The following GALNT3 variants were observed in gnomAD, a reference collection of about 807,000 sequenced individuals.
GALNT3 encodes polypeptide N-acetylgalactosaminyltransferase 3.
GALNT3 carries 51 observed loss-of-function variants against 69.8 expected under a neutral mutation model. The observed-to-expected ratio is 0.73, with a 90% CI of 0.58 to 0.92. GALNT3 has a LOEUF of 0.92. Among genes scored for constraint, GALNT3 ranks in the 40% least tolerant of loss-of-function variants. The pLI, the probability that GALNT3 is intolerant of heterozygous loss-of-function variation, is 0.00. For synonymous variants in GALNT3, 265 were observed against 248.5 expected (o/e 1.07, Z -0.63); for missense variants, 711 against 760.0 (o/e 0.94, Z 0.76).
At chr2:165,757,827 G>T (rs1225515279) in intron 6 of GALNT3, among the ~76,000 whole-genome samples, 4 of 152,034 alleles carry the variant, frequency 2.6e-5, no homozygotes, top group Non-Finnish European at 5.9e-5. Context: ...ATCCTTATTG[G>T]CATTAATGCT....
At chr2:165,778,338 C>T (rs967279612) in intron 1 of GALNT3, among the ~76,000 whole-genome samples, 2 of 152,174 alleles carry the variant, frequency 1.3e-5, no homozygotes, top group African/African-American at 4.8e-5. Context: ...GGTAGAGGCA[C>T]TGCATTTTAA....
chr2:165,748,547 C>T lies in GALNT3; in HGVS notation c.*234G>A. Reference sequence around the variant, plus strand: ...TTTCATCATACTGTAAACATCTCTTCCCCTACATCTGGACATTTTGAAATA... The same window carrying T: ...TTTCATCATACTGTAAACATCTCTTTCCCTACATCTGGACATTTTGAAATA... On this transcript the variant is annotated 3_prime_UTR_variant, in exon 11 of 11. Coordinates refer to ENST00000392701, the MANE Select transcript of GALNT3 (RefSeq NM_004482.4). The T allele has an allele frequency of 1.9e-6, 1 of 518,522 alleles. No homozygotes were observed. The highest frequency in any genetic ancestry group is 3.5e-6 in the Non-Finnish European group (1 of 288,290). 32.1% of individuals were successfully genotyped at this position (518,522 alleles called of 1,614,324 possible). A position where few individuals can be genotyped will look rare whatever the true frequency, so the allele number is the denominator to read the frequency against.
rs1688286607 is a variant in GALNT3 at position 165,747,841 on chromosome 2, A to G, written c.*940T>C. ...GAGGATTTTTTATTGTGTTTTCCAC[A>G]TAGATAAAAAAATAAGGCTTTTTGA... is the stretch of plus-strand genomic sequence containing the variant. On this transcript the variant is annotated 3_prime_UTR_variant, in exon 11 of 11. Coordinates refer to ENST00000392701, the MANE Select transcript of GALNT3 (RefSeq NM_004482.4). 5.9e-6 allele frequency: 1 copy of G among 170,510 alleles called. No homozygotes were observed. The highest frequency in any genetic ancestry group is 1.3e-5 in the Non-Finnish European group (1 of 78,362). The allele number at this position is 170,510 out of a possible 1,614,324, so 10.6% of individuals were successfully genotyped here.
chr2:165,780,643 T>A (rs1165249051), intron 1 of GALNT3, among the ~76,000 whole-genome samples: 4 of 102,822 alleles, frequency 3.9e-5, no homozygotes, highest in African/African-American at 1.1e-4. Context: ...TTTGAGGGGT[T>A]TTTTTGTTGT....
chr2:165,761,194 T>A (rs549550763), intron 4 of GALNT3, among the ~76,000 whole-genome samples: 1 of 152,128 alleles, frequency 6.6e-6, no homozygotes, highest in Non-Finnish European at 1.5e-5. Flanking sequence ...TAGGGTGGAT[T>A]ATATTCACTC....
intron 2 of GALNT3, among the ~76,000 whole-genome samples, chr2:165,765,489 C>T (rs1688621562): frequency 7.1e-6 from 1 of 141,714 alleles, no homozygotes; most frequent in South Asian, 2.3e-4. Context: ...AATTGTACCA[C>T]TTTATTAATT....
intron 2 of GALNT3, among the ~76,000 whole-genome samples, chr2:165,766,732 A>G (rs1324882863): frequency 1.5e-5 from 1 of 68,672 alleles, no homozygotes; most frequent in Non-Finnish European, 4.5e-5. Flanking sequence ...CTCCAGTGTG[A>G]TATTAGGGGC....
chr2:165,762,070 A>T lies in GALNT3; in HGVS notation c.689-16T>A. 1 of 1,498,748 alleles carries T rather than the reference A, an allele frequency of 6.7e-7. No individual in the cohort carries two copies. The highest frequency in any genetic ancestry group is 9.3e-7 in the Non-Finnish European group (1 of 1,077,156). 92.8% of individuals were successfully genotyped at this position (1,498,748 alleles called of 1,614,324 possible). A position where few individuals can be genotyped will look rare whatever the true frequency, so the allele number is the denominator to read the frequency against. On this transcript the variant is annotated splice_polypyrimidine_tract_variant and intron_variant, in intron 3 of 10. Transcript: ENST00000392701. ...TGTAAGTACTCTGTAAGGAAAAAAA[A>T]TCAGGGTTAATTCTTTCTAAATGCA...
At chr2:165,772,584 C>CA (rs375725339) in intron 1 of GALNT3, among the ~76,000 whole-genome samples, 41,648 of 66,828 alleles carry the variant, frequency 0.62, 14,306 homozygotes, top group Non-Finnish European at 0.73. Flanking sequence ...GACTCTGTCT[C>CA]AAAAAAAAAA....
chr2:165,751,418 A>G (rs965038144), intron 9 of GALNT3, among the ~76,000 whole-genome samples: 3 of 152,332 alleles, frequency 2.0e-5, no homozygotes, highest in African/African-American at 4.8e-5. Context: ...ATGGAAACAC[A>G]GGAAGAAACT....
intron 2 of GALNT3, among the ~76,000 whole-genome samples, chr2:165,768,377 A>G (rs932388757): frequency 6.6e-6 from 1 of 152,194 alleles, no homozygotes; most frequent in Non-Finnish European, 1.5e-5. Flanking sequence ...AATCATGATT[A>G]TTGATTTTTA....
intron 8 of GALNT3, 52 bp downstream of exon 8, chr2:165,754,880 A>G: frequency 1.9e-6 from 3 of 1,587,734 alleles, no homozygotes; most frequent in Non-Finnish European, 2.6e-6. Context: ...AACCACATAA[A>G]GGTTGGTGGC....
At chr2:165,779,434 C>A (rs1683053615) in intron 1 of GALNT3, among the ~76,000 whole-genome samples, 1 of 152,176 alleles carries the variant, frequency 6.6e-6, no homozygotes, top group Non-Finnish European at 1.5e-5. Flanking sequence ...TGTACAATAA[C>A]AACACAATTC....
At chr2:165,749,670 A>T in intron 10 of GALNT3, 72 bp downstream of exon 10, 1 of 1,272,758 alleles carries the variant, frequency 7.9e-7, no homozygotes, top group Non-Finnish European at 1.1e-6. Flanking sequence ...ACCATGTTCC[A>T]CTCATTTTCC....
chr2:165,753,147 T>C (rs749329276), intron 9 of GALNT3, among the ~76,000 whole-genome samples: 15 of 152,100 alleles, frequency 9.9e-5, no homozygotes, highest in African/African-American at 1.4e-4. Flanking sequence ...TAGGAAGAAA[T>C]ATAGAAGAGG....
chr2:165,749,978 A>C (rs1688329365), intron 9 of GALNT3, 84 bp from the exon 10 acceptor site: 2 of 1,182,718 alleles, frequency 1.7e-6, no homozygotes, highest in Non-Finnish European at 2.5e-6. Context: ...CAACTCGTTA[A>C]ATAATAAAGT....
At chr2:165,766,880 AG>A (rs1191388373) in intron 2 of GALNT3, among the ~76,000 whole-genome samples, 1 of 152,192 alleles carries the variant, frequency 6.6e-6, no homozygotes, top group Admixed American at 6.5e-5. Context: ...GATTAAAAAA[AG>A]GAGTTGGATT....
chr2:165,761,181 T>C (rs1688539397), intron 4 of GALNT3, among the ~76,000 whole-genome samples: 1 of 151,856 alleles, frequency 6.6e-6, no homozygotes, highest in Non-Finnish European at 1.5e-5. Flanking sequence ...CGAAGTTTAA[T>C]GATAGGGTGG....
At chr2:165,769,106 C>T (rs1396221802) in intron 2 of GALNT3, among the ~76,000 whole-genome samples, 1 of 148,230 alleles carries the variant, frequency 6.7e-6, no homozygotes, top group Non-Finnish European at 1.5e-5. Context: ...ATCTTGTACA[C>T]TTAAAAACTT....
Sources: gnomAD v4.1 joint callset for allele counts (sites outside exome capture counted in the v4.1 genomes callset) on GRCh38, gnomAD v4.1.1 for gene constraint, MANE v1.5 for transcripts, NCBI Gene and HGNC (gene_info 2026-07-23, HGNC 2026-07-21) for gene names.